The following ARHGAP20 variants were observed in gnomAD, a reference collection of about 807,000 sequenced individuals.
ARHGAP20 encodes the protein rho GTPase-activating protein 20.
A neutral mutation model predicts 73.7 loss-of-function variants in ARHGAP20; 34 were observed. The observed-to-expected ratio is 0.46, with a 90% confidence interval of 0.35 to 0.61. The LOEUF (loss-of-function observed/expected upper bound fraction) is 0.61, where lower values mean the gene tolerates loss of function less well. ARHGAP20 is among the 20% of genes least tolerant of loss of function. ARHGAP20 has a pLI of 0.00. For missense variants in ARHGAP20, 1,314 were observed against 1,420.9 expected (o/e 0.92, Z 1.21); for synonymous variants, 523 against 518.2 (o/e 1.01, Z -0.13).
At chr11:110,702,890 C>G (rs1457806154) in intron 1 of ARHGAP20, among the ~76,000 whole-genome samples, 4 of 152,072 alleles carry the variant, frequency 2.6e-5, no homozygotes, top group Non-Finnish European at 5.9e-5. Context: ...AAAGAGGACA[C>G]AAACAAATGG....
intron 1 of ARHGAP20, among the ~76,000 whole-genome samples, chr11:110,701,028 T>C (rs922346512): frequency 7.9e-5 from 12 of 151,522 alleles, no homozygotes; most frequent in Admixed American, 3.9e-4. Flanking sequence ...TTTGCTATTG[T>C]GAATAATGCC....
chr11:110,636,029 T>A (rs1364768931), intron 2 of ARHGAP20, among the ~76,000 whole-genome samples: 1 of 152,140 alleles, frequency 6.6e-6, no homozygotes, highest in Non-Finnish European at 1.5e-5. Flanking sequence ...GGAAAAATCA[T>A]CTTTTGCATT....
At chr11:110,640,461 A>G (rs1381412926) in intron 2 of ARHGAP20, among the ~76,000 whole-genome samples, 2 of 152,004 alleles carry the variant, frequency 1.3e-5, no homozygotes, top group Non-Finnish European at 2.9e-5. Context: ...GAACAAAAAG[A>G]CTACTGAAAT....
At chr11:110,585,293 A>T (rs1947632483) in intron 12 of ARHGAP20, among the ~76,000 whole-genome samples, 1 of 152,080 alleles carries the variant, frequency 6.6e-6, no homozygotes, top group Non-Finnish European at 1.5e-5. Context: ...TTTTCCAAAA[A>T]AATCCTTTAA....
At position 110,623,852 on chromosome 11, in the gene ARHGAP20, C is replaced by CTGT. The variant is rs150741915; in HGVS notation, c.503+307_503+309dup. ...ATATTCCTGGAAGTTCCTGTTGTTG[C>CTGT]TGTTGTTGTTGTTGTTTTCACAAAA... On this transcript the variant is annotated intron_variant, in intron 4 of 14. Transcript: ENST00000683387. 2.6e-5 allele frequency among the ~76,000 whole-genome samples: 4 copies of CTGT among 151,950 alleles called. No individual in the cohort carries two copies. The East Asian group carries it at 5.8e-4, about 22-fold the overall frequency.
At chr11:110,646,968 A>G (rs554078684) in intron 2 of ARHGAP20, among the ~76,000 whole-genome samples, 2 of 152,280 alleles carry the variant, frequency 1.3e-5, no homozygotes, top group Admixed American at 1.3e-4. Flanking sequence ...TTCAAAAAAA[A>G]TAATAGTAAT....
intron 1 of ARHGAP20, among the ~76,000 whole-genome samples, chr11:110,709,530 G>C (rs1386594567): frequency 6.6e-6 from 1 of 152,168 alleles, no homozygotes; most frequent in Non-Finnish European, 1.5e-5. Flanking sequence ...AATGACTGAG[G>C]AGCACTTCCA....
chr11:110,709,441 A>G (rs962040716), intron 1 of ARHGAP20, among the ~76,000 whole-genome samples: 1 of 151,414 alleles, frequency 6.6e-6, no homozygotes, highest in Admixed American at 6.6e-5. Flanking sequence ...AGATGTGGGT[A>G]ACAGATAACA....
chr11:110,592,208 T>C lies in ARHGAP20; in HGVS notation c.965-53A>G, dbSNP rs982812612. ...AATGAGTTTCATTCACTTAATCTTA[T>C]TTCTATAACTTCCATTTTATGGTAT... is the stretch of plus-strand genomic sequence containing the variant. On this transcript the variant is annotated intron_variant, in intron 9 of 14. Transcript: ENST00000683387. The C allele has an allele frequency of 4.0e-6, 6 of 1,498,518 alleles. No individual in the cohort carries two copies. In the African/African-American group the frequency reaches 6.9e-5, roughly 17 times the overall value. 92.8% of individuals were successfully genotyped at this position (1,498,518 alleles called of 1,614,324 possible).
chr11:110,633,142 T>C (rs1325070887), intron 2 of ARHGAP20, among the ~76,000 whole-genome samples: 1 of 152,186 alleles, frequency 6.6e-6, no homozygotes, highest in Non-Finnish European at 1.5e-5. Context: ...CCATCCCAAA[T>C]TAATTTTGCT....
intron 2 of ARHGAP20, among the ~76,000 whole-genome samples, chr11:110,644,017 T>C (rs1195671866): frequency 6.6e-6 from 1 of 152,088 alleles, no homozygotes; most frequent in Non-Finnish European, 1.5e-5. Context: ...TATACAACAA[T>C]GAGCAAGCTG....
At chr11:110,660,529 T>G (rs1243446693) in intron 2 of ARHGAP20, among the ~76,000 whole-genome samples, 2 of 152,176 alleles carry the variant, frequency 1.3e-5, no homozygotes, top group Non-Finnish European at 2.9e-5. Flanking sequence ...TTATTCATAT[T>G]ATTTTCTCTA....
At chr11:110,634,855 C>T (rs1194372784) in intron 2 of ARHGAP20, among the ~76,000 whole-genome samples, 2 of 152,018 alleles carry the variant, frequency 1.3e-5, no homozygotes, top group East Asian at 3.9e-4. Flanking sequence ...TGTAGTTAAG[C>T]ATATTTGAGA....
chr11:110,579,390 A>C lies in ARHGAP20; in HGVS notation c.3556T>G (p.Tyr1186Asp), dbSNP rs1947371995. Residue 1186 changes from tyrosine to aspartate, a missense_variant, in exon 15 of 15, where the codon TAT (tyrosine) becomes GAT (aspartate). Tyr to Asp is a radical substitution (Grantham distance 160, BLOSUM62 -3). Transcript: ENST00000683387. ...PTVVCDIEDR[Y>D]LTKDI ...TATGCTTAAATGTCTTTGGTTAAAT[A>C]CCTGTCCTCAATGTCGCAGACCACT... is the stretch of plus-strand genomic sequence containing the variant. 4 of 1,596,846 alleles carry C rather than the reference A, an allele frequency of 2.5e-6. No homozygotes were observed. The highest frequency in any genetic ancestry group is 3.4e-6 in the Non-Finnish European group (4 of 1,166,508).
At position 110,605,521 on chromosome 11, in the gene ARHGAP20, A is replaced by T. The variant is rs908080829; in HGVS notation, c.964+1040T>A. Among the ~76,000 whole-genome samples, 7 of 152,338 alleles carry T rather than the reference A, an allele frequency of 4.6e-5. No homozygotes were observed. In the South Asian group the frequency reaches 1.5e-3, roughly 32 times the overall value. ...GGAGTGTATTAACACTTAAGGCAAA[A>T]AAAACTCTTTACAATGAATGCTGAT... On this transcript the variant is annotated intron_variant, in intron 9 of 14. Coordinates refer to ENST00000683387, the MANE Select transcript of ARHGAP20 (RefSeq NM_001384657.1).
chr11:110,644,440 A>G (rs1456755159), intron 2 of ARHGAP20, among the ~76,000 whole-genome samples: 3 of 152,190 alleles, frequency 2.0e-5, no homozygotes, highest in Admixed American at 6.5e-5. Flanking sequence ...ACAGCATGGT[A>G]CTGGTACTAA....
At chr11:110,646,832 T>C (rs1053384975) in intron 2 of ARHGAP20, among the ~76,000 whole-genome samples, 6 of 151,820 alleles carry the variant, frequency 4.0e-5, no homozygotes, top group Admixed American at 3.3e-4. Flanking sequence ...ATGCAAAAAA[T>C]TTCACCTTCT....
intron 11 of ARHGAP20, among the ~76,000 whole-genome samples, chr11:110,589,984 G>A (rs979517333): frequency 6.6e-6 from 1 of 152,080 alleles, no homozygotes; most frequent in African/African-American, 2.4e-5. Flanking sequence ...AGCTGGACCT[G>A]GTAGTGCAGG....
At chr11:110,674,129 T>C (rs1169993574) in intron 2 of ARHGAP20, among the ~76,000 whole-genome samples, 2 of 151,996 alleles carry the variant, frequency 1.3e-5, no homozygotes, top group East Asian at 3.9e-4. Flanking sequence ...AGTGATGGGG[T>C]TTCACCATGT....
Sources: allele counts gnomAD v4.1 joint callset (sites outside exome capture counted in the v4.1 genomes callset), GRCh38; gene constraint gnomAD v4.1.1; transcripts MANE v1.5; gene names NCBI Gene and HGNC (gene_info 2026-07-23, HGNC 2026-07-21).